The following NXPH1 variants were observed in gnomAD, a reference collection of about 807,000 sequenced individuals.
NXPH1 encodes the protein neurexophilin 1.
Under a neutral mutation model 23.7 loss-of-function variants are expected in NXPH1, and 5 were observed. The observed-to-expected ratio is 0.21, with a 90% CI of 0.11 to 0.44. The LOEUF is 0.44. Ranked by LOEUF, NXPH1 falls within the 20% of genes least tolerant of loss-of-function variation. The pLI is 0.99. For missense variants in NXPH1, 324 were observed against 321.6 expected (o/e 1.01, Z -0.06); for synonymous variants, 144 against 122.2 (o/e 1.18, Z -1.18).
intron 2 of NXPH1, among the ~76,000 whole-genome samples, chr7:8,604,081 A>T (rs930317912): frequency 6.6e-6 from 1 of 152,134 alleles, no homozygotes. Flanking sequence ...AATAAAAAAA[A>T]AAGTGGATGG....
chr7:8,660,794 A>C (rs1169119991), intron 2 of NXPH1, among the ~76,000 whole-genome samples: 1 of 152,218 alleles, frequency 6.6e-6, no homozygotes, highest in East Asian at 1.9e-4. Flanking sequence ...ACACTGTACA[A>C]GAACAAGTTT....
intron 2 of NXPH1, among the ~76,000 whole-genome samples, chr7:8,527,920 G>A (rs1000712670): frequency 3.9e-5 from 6 of 152,222 alleles, no homozygotes; most frequent in Admixed American, 6.5e-5. Context: ...TCAATGACCC[G>A]TGACATGCTA....
intron 2 of NXPH1, among the ~76,000 whole-genome samples, chr7:8,512,704 C>T (rs1817630671): frequency 6.6e-6 from 1 of 152,086 alleles, no homozygotes; most frequent in Non-Finnish European, 1.5e-5. Flanking sequence ...GTATTTCTTA[C>T]TAACGGTAAC....
chr7:8,457,475 G>A (rs963179864), intron 2 of NXPH1, among the ~76,000 whole-genome samples: 1 of 151,986 alleles, frequency 6.6e-6, no homozygotes, highest in Non-Finnish European at 1.5e-5. Flanking sequence ...TTGGAAAACC[G>A]AGGGTCTAGT....
At chr7:8,719,751 G>GT (rs1486336009) in intron 2 of NXPH1, among the ~76,000 whole-genome samples, 2 of 152,022 alleles carry the variant, frequency 1.3e-5, no homozygotes, top group African/African-American at 4.8e-5. Flanking sequence ...GTTTTCCGAC[G>GT]TGAATTTAAA....
intron 2 of NXPH1, among the ~76,000 whole-genome samples, chr7:8,671,951 T>G (rs192173361): frequency 6.6e-6 from 1 of 152,146 alleles, no homozygotes; most frequent in Non-Finnish European, 1.5e-5. Flanking sequence ...GGGTTGTTTG[T>G]TTTTTTCTTG....
chr7:8,646,951 G>T (rs991210733), intron 2 of NXPH1, among the ~76,000 whole-genome samples: 1 of 151,860 alleles, frequency 6.6e-6, no homozygotes, highest in Non-Finnish European at 1.5e-5. Flanking sequence ...TACATGGAGA[G>T]AACACAGGGG....
At chr7:8,563,377 G>A (rs1002702912) in intron 2 of NXPH1, among the ~76,000 whole-genome samples, 1 of 151,762 alleles carries the variant, frequency 6.6e-6, no homozygotes, top group Non-Finnish European at 1.5e-5. Context: ...CTTTGAGAAT[G>A]CCCACTAACT....
chr7:8,738,302 G>A (rs1780296780), intron 2 of NXPH1, among the ~76,000 whole-genome samples: 1 of 152,164 alleles, frequency 6.6e-6, no homozygotes, highest in African/African-American at 2.4e-5. Context: ...CTTTGGATGG[G>A]GTTTCTGTGT....
intron 2 of NXPH1, among the ~76,000 whole-genome samples, chr7:8,460,380 T>A (rs1196401665): frequency 1.3e-5 from 2 of 152,210 alleles, no homozygotes; most frequent in Non-Finnish European, 1.5e-5. Flanking sequence ...CATTTAGTTG[T>A]TGCTGTTTTG....
At chr7:8,476,281 T>G (rs1816970077) in intron 2 of NXPH1, among the ~76,000 whole-genome samples, 1 of 152,132 alleles carries the variant, frequency 6.6e-6, no homozygotes, top group Non-Finnish European at 1.5e-5. Flanking sequence ...CACAGTAGAA[T>G]GCCCTGTTCT....
chr7:8,725,710 A>T (rs568171056), intron 2 of NXPH1, among the ~76,000 whole-genome samples: 135 of 152,318 alleles, frequency 8.9e-4, no homozygotes, highest in African/African-American at 3.2e-3. Flanking sequence ...ACAATGCCAC[A>T]CTAGAACATT....
chr7:8,595,278 A>G (rs925119276), intron 2 of NXPH1, among the ~76,000 whole-genome samples: 1 of 152,090 alleles, frequency 6.6e-6, no homozygotes, highest in African/African-American at 2.4e-5. Context: ...GTATAAGAAA[A>G]TATAAAATAA....
At chr7:8,740,385 C>T (rs1294175759) in intron 2 of NXPH1, among the ~76,000 whole-genome samples, 1 of 152,186 alleles carries the variant, frequency 6.6e-6, no homozygotes, top group African/African-American at 2.4e-5. Context: ...ATCCCCATGA[C>T]ATGCACTACA....
chr7:8,598,186 A>G (rs1819271651), intron 2 of NXPH1, among the ~76,000 whole-genome samples: 1 of 152,050 alleles, frequency 6.6e-6, no homozygotes, highest in Non-Finnish European at 1.5e-5. Context: ...GTTTAATGTC[A>G]CCATGAAATT....
intron 2 of NXPH1, among the ~76,000 whole-genome samples, chr7:8,704,151 G>T (rs77729150): frequency 6.6e-6 from 1 of 151,982 alleles, no homozygotes; most frequent in African/African-American, 2.4e-5. Flanking sequence ...GTTTTAGTTT[G>T]TTTAGTATTT....
chr7:8,527,056 A>G (rs1287679600), intron 2 of NXPH1, among the ~76,000 whole-genome samples: 1 of 152,214 alleles, frequency 6.6e-6, no homozygotes, highest in East Asian at 1.9e-4. Flanking sequence ...TACCAAAAAA[A>G]AAATGGGTAG....
At chr7:8,571,816 A>T (rs1380315451) in intron 2 of NXPH1, among the ~76,000 whole-genome samples, 1 of 151,870 alleles carries the variant, frequency 6.6e-6, no homozygotes, top group Non-Finnish European at 1.5e-5. Context: ...CAGGAATTCA[A>T]GCTCTGGAAT....
chr7:8,680,494 C>T lies in NXPH1; in HGVS notation c.55-70514C>T, dbSNP rs147227942. Among the ~76,000 whole-genome samples, 1,156 of 152,190 alleles carry T rather than the reference C, an allele frequency of 7.6e-3. 12 individuals carry two copies. The highest frequency in any genetic ancestry group is 8.4e-3 in the Non-Finnish European group (572 of 68,004). The stretch of plus-strand genomic sequence containing the variant: ...TCTTATAGATTATTTCTCCAAATGA[C>T]TCAAGAGAAAATGTTAGGTAGTATA... On this transcript the variant is annotated intron_variant, in intron 2 of 2. Coordinates refer to ENST00000405863, the MANE Select transcript of NXPH1 (RefSeq NM_152745.3).
Sources: allele counts gnomAD v4.1 joint callset (sites outside exome capture counted in the v4.1 genomes callset), GRCh38; gene constraint gnomAD v4.1.1; transcripts MANE v1.5; gene names NCBI Gene and HGNC (gene_info 2026-07-23, HGNC 2026-07-21).